The following CDK8 variants were observed in gnomAD, a reference collection of about 807,000 sequenced individuals.
The protein encoded by CDK8 is cyclin dependent kinase 8.
Under a neutral mutation model 71.5 loss-of-function variants are expected in CDK8, and 29 were observed. The observed-to-expected ratio is 0.41, with a 90% CI of 0.30 to 0.55. The LOEUF (loss-of-function observed/expected upper bound fraction) is 0.55. Among genes scored for constraint, CDK8 ranks in the 20% least tolerant of loss-of-function variants. CDK8 has a pLI of 0.37. For missense variants in CDK8, 288 were observed against 572.6 expected (o/e 0.50, Z 5.07); for synonymous variants, 161 against 192.1 (o/e 0.84, Z 1.34).
At position 26,287,368 on chromosome 13, in the gene CDK8, A is replaced by G. The variant is rs910917950; in HGVS notation, c.128+32599A>G. 2.6e-5 allele frequency among the ~76,000 whole-genome samples: 4 copies of G among 152,246 alleles called. No individual in the cohort carries two copies. In the South Asian group the frequency reaches 8.3e-4, roughly 32 times the overall value. ...ACTGCAACCTCCAACACACATACAC[A>G]CCATGGAATACTGTTCACCCATAAA... On this transcript the variant is annotated intron_variant, in intron 1 of 12. Transcript: ENST00000381527.
chr13:26,318,450 T>C (rs943563606), intron 1 of CDK8, among the ~76,000 whole-genome samples: 6 of 152,148 alleles, frequency 3.9e-5, no homozygotes, highest in African/African-American at 1.4e-4. Flanking sequence ...AGGCCAGCAT[T>C]ACCCCGGTAC....
chr13:26,287,183 A>C (rs1189272425), intron 1 of CDK8, among the ~76,000 whole-genome samples: 1 of 152,258 alleles, frequency 6.6e-6, no homozygotes. Flanking sequence ...TGAAAAAGAC[A>C]CTTGCACACA....
intron 4 of CDK8, among the ~76,000 whole-genome samples, chr13:26,363,374 C>T (rs191461307): frequency 2.0e-5 from 3 of 147,214 alleles, no homozygotes; most frequent in African/African-American, 5.0e-5. Context: ...TTGCAGCCAT[C>T]GTCGGTTGGC....
chr13:26,381,931 T>C (rs1875247739), intron 4 of CDK8, among the ~76,000 whole-genome samples: 1 of 152,188 alleles, frequency 6.6e-6, no homozygotes, highest in Non-Finnish European at 1.5e-5. Flanking sequence ...GTGATTTATG[T>C]CAGTATCCGA....
chr13:26,302,807 G>C (rs1593250504), intron 1 of CDK8, among the ~76,000 whole-genome samples: 2 of 152,148 alleles, frequency 1.3e-5, no homozygotes, highest in East Asian at 1.9e-4. Flanking sequence ...ATTCTATTGG[G>C]GTGTTTTATG....
chr13:26,276,064 T>C (rs1446005346), intron 1 of CDK8, among the ~76,000 whole-genome samples: 2 of 151,816 alleles, frequency 1.3e-5, no homozygotes, highest in Non-Finnish European at 2.9e-5. Flanking sequence ...GGTTTCACCA[T>C]GTTGGCTAGG....
intron 7 of CDK8, among the ~76,000 whole-genome samples, chr13:26,395,059 A>AAAAT (rs1387806076): frequency 6.6e-6 from 1 of 152,234 alleles, no homozygotes; most frequent in Admixed American, 6.5e-5. Flanking sequence ...TGGAGCAAGG[A>AAAAT]AAATAGTTAA....
intron 1 of CDK8, among the ~76,000 whole-genome samples, chr13:26,293,742 T>G (rs1169116342): frequency 6.6e-6 from 1 of 152,198 alleles, no homozygotes; most frequent in Non-Finnish European, 1.5e-5. Flanking sequence ...TTTTGAAATA[T>G]GTATACATTA....
intron 1 of CDK8, among the ~76,000 whole-genome samples, chr13:26,264,139 C>T (rs1262794263): frequency 6.6e-6 from 1 of 152,164 alleles, no homozygotes; most frequent in Non-Finnish European, 1.5e-5. Flanking sequence ...AAGAAAATGT[C>T]AGACAGAAAG....
chr13:26,313,747 T>C (rs978646304), intron 1 of CDK8, among the ~76,000 whole-genome samples: 1 of 152,100 alleles, frequency 6.6e-6, no homozygotes, highest in Non-Finnish European at 1.5e-5. Context: ...CTTGATGTAA[T>C]TGTTGTGAGT....
At chr13:26,259,520 A>G (rs539342225) in intron 1 of CDK8, among the ~76,000 whole-genome samples, 2 of 152,238 alleles carry the variant, frequency 1.3e-5, no homozygotes, top group South Asian at 4.2e-4. Flanking sequence ...GCATCTGTGG[A>G]TTTTGGGGGA....
At chr13:26,344,945 G>A (rs1032261736) in intron 2 of CDK8, among the ~76,000 whole-genome samples, 1 of 152,066 alleles carries the variant, frequency 6.6e-6, no homozygotes, top group African/African-American at 2.4e-5. Flanking sequence ...AGTATTAGAG[G>A]CATTTATTAT....
chr13:26,342,973 T>C (rs1038152311), intron 2 of CDK8, among the ~76,000 whole-genome samples: 1 of 152,192 alleles, frequency 6.6e-6, no homozygotes, highest in Non-Finnish European at 1.5e-5. Context: ...TCTCATCAGA[T>C]GGTCATTTCA....
chr13:26,281,862 A>G (rs1352307735), intron 1 of CDK8, among the ~76,000 whole-genome samples: 2 of 152,092 alleles, frequency 1.3e-5, no homozygotes, highest in Non-Finnish European at 2.9e-5. Flanking sequence ...AATAAATATC[A>G]TAAAGAAAAA....
In CDK8 at chr13:26,356,748, G is replaced by A. The variant is rs377739637; in HGVS notation, c.456+2868G>A. ...TAACTCTCAAGAACATTGTTCAGAA[G>A]CTGTATCACATAACTTTTTTAACAT... On this transcript the variant is annotated intron_variant, in intron 4 of 12. Transcript: ENST00000381527. Among the ~76,000 whole-genome samples the A allele has an allele frequency of 2.0e-4, 31 of 152,258 alleles. No homozygotes were observed. In the East Asian group the frequency reaches 4.8e-3, roughly 24 times the overall value.
intron 1 of CDK8, among the ~76,000 whole-genome samples, chr13:26,298,426 C>G (rs1157312258): frequency 6.6e-6 from 1 of 152,136 alleles, no homozygotes; most frequent in Non-Finnish European, 1.5e-5. Context: ...TTCTACCTTT[C>G]TTGAGGTGAG....
chr13:26,397,830 G>A (rs547505350), intron 9 of CDK8, among the ~76,000 whole-genome samples: 102 of 152,200 alleles, frequency 6.7e-4, no homozygotes, highest in Non-Finnish European at 1.3e-3. Flanking sequence ...TACCAACTTT[G>A]TTTACAATAA....
chr13:26,277,407 A>T (rs1872596751), intron 1 of CDK8, among the ~76,000 whole-genome samples: 2 of 152,190 alleles, frequency 1.3e-5, no homozygotes, highest in Admixed American at 1.3e-4. Flanking sequence ...AGTAAACTGT[A>T]CTTATTGGAT....
intron 3 of CDK8, 80 bp downstream of exon 3, chr13:26,349,262 A>C (rs1331415377): frequency 1.3e-6 from 1 of 771,566 alleles, no homozygotes; most frequent in East Asian, 2.5e-5. Flanking sequence ...TGTTCTGCTT[A>C]TTATGAGACT....
Sources: allele counts gnomAD v4.1 joint callset (sites outside exome capture counted in the v4.1 genomes callset), GRCh38; gene constraint gnomAD v4.1.1; transcripts MANE v1.5; gene names NCBI Gene and HGNC (gene_info 2026-07-23, HGNC 2026-07-21).